The following RBFOX3 variants were observed in gnomAD, a reference collection of about 807,000 sequenced individuals.
RBFOX3 encodes RNA binding protein fox-1 homolog 3.
In RBFOX3, 17 loss-of-function variants were observed where a neutral mutation model predicts 48.7. The ratio of observed to expected loss-of-function variants is 0.35; its 90% CI spans 0.24 to 0.52. The LOEUF is 0.52. RBFOX3 is among the 20% of genes least tolerant of loss of function. The probability of loss-of-function intolerance (pLI) is 0.94; values close to 1 mark genes in which losing one functional copy is unlikely to be tolerated. For missense variants in RBFOX3, 382 were observed against 497.5 expected (o/e 0.77, Z 2.21); for synonymous variants, 212 against 209.5 (o/e 1.01, Z -0.10).
chr17:79,278,155 C>G (rs1267040069), intron 3 of RBFOX3, among the ~76,000 whole-genome samples: 1 of 152,170 alleles, frequency 6.6e-6, no homozygotes, highest in Non-Finnish European at 1.5e-5. Context: ...CCCGTGGCAG[C>G]CATGGGGGGC....
chr17:79,559,587 G>A (rs2092040241), intron 1 of RBFOX3, among the ~76,000 whole-genome samples: 1 of 147,972 alleles, frequency 6.8e-6, no homozygotes, highest in Non-Finnish European at 1.5e-5. Context: ...GGGTGGGGGG[G>A]TGGATGGAGA....
rs1310965422 is a variant in RBFOX3, at chr17:79,214,836, C to T, written c.-34+20930G>A. Among the ~76,000 whole-genome samples the T allele has an allele frequency of 6.6e-6, 1 of 152,158 alleles. No individual in the cohort carries two copies. The highest frequency in any genetic ancestry group is 2.4e-5 in the African/African-American group (1 of 41,440). Reference sequence around the variant, plus strand: ...TTAAACAGCTTCTATTACTCCAGGGCAAACTTTAAAAAACATAATATTTAT... The same window carrying T: ...TTAAACAGCTTCTATTACTCCAGGGTAAACTTTAAAAAACATAATATTTAT... On this transcript the variant is annotated intron_variant, in intron 4 of 14. Coordinates refer to ENST00000693108, the MANE Select transcript of RBFOX3 (RefSeq NM_001350451.2). This position sits in a 1 kb window ranked among gnomAD's most constrained non-coding sequence, Gnocchi z 4.7.
At chr17:79,172,514 C>T (rs371443074) in intron 4 of RBFOX3, among the ~76,000 whole-genome samples, 145 of 152,284 alleles carry the variant, frequency 9.5e-4, no homozygotes, top group African/African-American at 2.8e-3. Flanking sequence ...TCTAGAGCAG[C>T]GTGACTCCCT....
chr17:79,288,307 G>A (rs183501318), intron 3 of RBFOX3, among the ~76,000 whole-genome samples: 457 of 152,266 alleles, frequency 3.0e-3, no homozygotes, highest in African/African-American at 0.011. Context: ...CAGGCCACCA[G>A]GGAGGACGGA....
chr17:79,472,381 T>C (rs2077162456), intron 2 of RBFOX3, among the ~76,000 whole-genome samples: 1 of 152,326 alleles, frequency 6.6e-6, no homozygotes, highest in South Asian at 2.1e-4. Context: ...ATTCATACAT[T>C]GAAGTCCTAA....
chr17:79,126,055 T>G (rs1383806295), intron 4 of RBFOX3, among the ~76,000 whole-genome samples: 3 of 152,226 alleles, frequency 2.0e-5, no homozygotes, highest in Non-Finnish European at 2.9e-5. Context: ...AAGCTGAGTT[T>G]CACAGAGGGG....
At position 79,292,595 on chromosome 17, in the gene RBFOX3, CACACGCACACACACACACACATACAT is replaced by C. The variant is rs1363757112; in HGVS notation, c.-74+15103_-74+15128del. On this transcript the variant is annotated intron_variant, in intron 3 of 14. Transcript: ENST00000693108. ...ACACACACACACATGCACACACACA[CACACGCACACACACACACACATACAT>C]GCAGACCCAGTGCACTGCCCTTAGA... Among the ~76,000 whole-genome samples, 111 of 101,888 alleles carry C rather than the reference CACACGCACACACACACACACATACAT, an allele frequency of 1.1e-3. 1 individual carries two copies. The highest frequency in any genetic ancestry group is 4.7e-3 in the African/African-American group (99 of 21,232). 66.8% of individuals were successfully genotyped at this position (101,888 alleles called of 152,430 possible).
intron 2 of RBFOX3, among the ~76,000 whole-genome samples, chr17:79,456,497 A>G (rs2074519508): frequency 6.6e-6 from 1 of 151,730 alleles, no homozygotes; most frequent in Non-Finnish European, 1.5e-5. Flanking sequence ...GCCCCAGACC[A>G]AGCCCCAGCC....
chr17:79,281,798 T>C (rs886612584), intron 3 of RBFOX3, among the ~76,000 whole-genome samples: 7 of 152,360 alleles, frequency 4.6e-5, no homozygotes, highest in Admixed American at 3.3e-4. Flanking sequence ...TTTTTTCTTC[T>C]TTGAAAGTAA....
chr17:79,616,582 A>AACACACACACACACACACAC, the RBFOX3 span, among the ~76,000 whole-genome samples: 266 of 145,720 alleles, frequency 1.8e-3, no homozygotes, highest in Middle Eastern at 7.0e-3. Flanking sequence ...TCTCTATACA[A>AACACACACACACACACACAC]ACACACACAC....
chr17:79,163,007 A>C (rs2047275590), intron 4 of RBFOX3, among the ~76,000 whole-genome samples: 1 of 152,212 alleles, frequency 6.6e-6, no homozygotes, highest in African/African-American at 2.4e-5. Flanking sequence ...TCCTGAGCAC[A>C]GACACGCCAG....
At chr17:79,305,517 C>T (rs72848088) in intron 3 of RBFOX3, among the ~76,000 whole-genome samples, 2,972 of 152,288 alleles carry the variant, frequency 0.02, 43 homozygotes, top group Admixed American at 0.036. Context: ...CCCCCTTGTC[C>T]GCCTCCTCTG....
At chr17:79,641,164 A>G in the RBFOX3 span, among the ~76,000 whole-genome samples, 2 of 152,240 alleles carry the variant, frequency 1.3e-5, no homozygotes, top group Non-Finnish European at 2.9e-5. Flanking sequence ...ACATTTCTCA[A>G]AAGAAGTCAT....
At chr17:79,559,852 G>T (rs2092083966) in intron 1 of RBFOX3, among the ~76,000 whole-genome samples, 1 of 143,756 alleles carries the variant, frequency 7.0e-6, no homozygotes, top group Admixed American at 6.9e-5. Flanking sequence ...TGGGTGGATG[G>T]ATGGATGGGT....
chr17:79,185,610 G>A (rs1346807190), intron 4 of RBFOX3, among the ~76,000 whole-genome samples: 3 of 152,142 alleles, frequency 2.0e-5, no homozygotes, highest in African/African-American at 7.2e-5. Flanking sequence ...TCAGGAATTC[G>A]GGACAGCCAC....
At chr17:79,168,832 A>G (rs2048546335) in intron 4 of RBFOX3, among the ~76,000 whole-genome samples, 1 of 149,278 alleles carries the variant, frequency 6.7e-6, no homozygotes, top group African/African-American at 2.6e-5. Flanking sequence ...CTGGGCTTAC[A>G]TGCCGGGTGC....
chr17:79,176,604 T>C (rs904410992), intron 4 of RBFOX3, among the ~76,000 whole-genome samples: 3 of 152,206 alleles, frequency 2.0e-5, no homozygotes, highest in Admixed American at 6.5e-5. Context: ...ATTTGCAAGA[T>C]ACACACAGCC....
intron 1 of RBFOX3, among the ~76,000 whole-genome samples, chr17:79,594,726 A>AT (rs1317075174): frequency 1.3e-5 from 2 of 152,214 alleles, no homozygotes; most frequent in African/African-American, 4.8e-5. Context: ...ATCAGAGGCC[A>AT]TTTTTTAAAA....
chr17:79,360,970 G>C (rs149766509), intron 2 of RBFOX3, among the ~76,000 whole-genome samples: 3 of 152,226 alleles, frequency 2.0e-5, no homozygotes, highest in Non-Finnish European at 2.9e-5. Flanking sequence ...TGTTGGGAGA[G>C]AGAAGCCTGT....
Sources: allele counts gnomAD v4.1 joint callset (sites outside exome capture counted in the v4.1 genomes callset), GRCh38; gene constraint gnomAD v4.1.1; non-coding constraint Gnocchi (gnomAD v3.1); transcripts MANE v1.5; gene names NCBI Gene and HGNC (gene_info 2026-07-23, HGNC 2026-07-21).